Variants in NKX2-1 observed in about 807,000 individuals in gnomAD.
NKX2-1 encodes NK2 homeobox 1.
In NKX2-1, 9 loss-of-function variants were observed where a neutral mutation model predicts 35.1. The ratio of observed to expected loss-of-function variants is 0.26; its 90% confidence interval spans 0.15 to 0.45. The LOEUF is 0.45. NKX2-1 is among the 20% of genes least tolerant of loss of function. The probability of loss-of-function intolerance (pLI) is 1.00; values close to 1 mark genes in which losing one functional copy is unlikely to be tolerated. For synonymous variants in NKX2-1, 284 were observed against 269.9 expected (o/e 1.05, Z -0.51); for missense variants, 509 against 589.1 (o/e 0.86, Z 1.41).
intron 1 of NKX2-1, 78 bp from the exon 2 acceptor site, chr14:36,519,448 G>A (rs1410636012): frequency 6.3e-7 from 1 of 1,579,064 alleles, no homozygotes; most frequent in African/African-American, 1.3e-5. Flanking sequence ...TTCTCCCTTT[G>A]CCAAATATTC....
Position 36,519,933 on chromosome 14 carries a change from C to T in NKX2-1, c.77+120G>A. On this transcript the variant is annotated intron_variant, in intron 1 of 2. Coordinates refer to ENST00000354822, the MANE Select transcript of NKX2-1 (RefSeq NM_001079668.3). Reference sequence around the variant, plus strand: ...TGGTTGAGAGGAAGGAAGGTGAATGCTGCTTTGCAACCAACTTGCGGAGTT... The same window carrying T: ...TGGTTGAGAGGAAGGAAGGTGAATGTTGCTTTGCAACCAACTTGCGGAGTT... The T allele has an allele frequency of 2.7e-6, 4 of 1,465,122 alleles. No individual in the cohort carries two copies. The South Asian group carries it at 5.1e-5, about 19-fold the overall frequency. 90.8% of individuals were successfully genotyped at this position (1,465,122 alleles called of 1,614,324 possible).
Position 36,517,172 on chromosome 14 carries a change from T to C in NKX2-1, c.*106A>G. The C allele has an allele frequency of 1.3e-6, 2 of 1,514,084 alleles. No homozygotes were observed. The highest frequency in any genetic ancestry group is 1.8e-6 in the Non-Finnish European group (2 of 1,127,722). The allele number at this position is 1,514,084 out of a possible 1,614,324, so 93.8% of individuals were successfully genotyped here. ...CTTGGTCTAAACGCGGCCAGGTTGTTAAGAAAAGTCGAAGCGCGTGGAGCA... is the reference window on the plus strand; with the variant it reads ...CTTGGTCTAAACGCGGCCAGGTTGTCAAGAAAAGTCGAAGCGCGTGGAGCA... On this transcript the variant is annotated 3_prime_UTR_variant, in exon 3 of 3. Transcript: ENST00000354822.
Position 36,516,613 on chromosome 14 carries a change from G to A in NKX2-1, c.*665C>T, listed in dbSNP as rs1344842212. 1 of 231,566 alleles carries A rather than the reference G, an allele frequency of 4.3e-6. No homozygotes were observed. The highest frequency in any genetic ancestry group is 6.1e-5 in the East Asian group (1 of 16,312). 14.3% of individuals were successfully genotyped at this position (231,566 alleles called of 1,614,324 possible). ...TTTTCTTTTTACAACAAAATGTACAGATTACTAAAAACTAGGCATTTAGTC... is the reference window on the plus strand; with the variant it reads ...TTTTCTTTTTACAACAAAATGTACAAATTACTAAAAACTAGGCATTTAGTC... On this transcript the variant is annotated 3_prime_UTR_variant, in exon 3 of 3. Transcript: ENST00000354822.
In NKX2-1 at chr14:36,517,669, G is replaced by T. The variant is rs774427469; in HGVS notation, c.815C>A (p.Thr272Asn). 1.3e-6 allele frequency: 2 copies of T among 1,548,682 alleles called. No homozygotes were observed. The highest frequency in any genetic ancestry group is 1.7e-6 in the Non-Finnish European group (2 of 1,147,058). Residue 272 changes from threonine (T) to asparagine (N), a missense_variant, in exon 3 of 3, where the codon ACC (threonine) becomes AAC (asparagine). Thr to Asn is a moderately conservative substitution (Grantham distance 65, BLOSUM62 0). Around this residue, in one of 5 missense-constraint regions of NKX2-1, gnomAD observed 212 missense variants for 227.7 expected, o/e 0.93. Coordinates refer to ENST00000354822, the MANE Select transcript of NKX2-1 (RefSeq NM_001079668.3). Reference sequence around the variant, plus strand: ...AGCCTGTTGCTGCTGCGGGCACCCGGTGCCCCCGCCGCCCCCGCCGCCGCC... The same window carrying T: ...AGCCTGTTGCTGCTGCGGGCACCCGTTGCCCCCGCCGCCCCCGCCGCCGCC... ...DSGGGGGGGG[T>N]GCPQQQQAQQ...
chr14:36,517,968 G>A lies in NKX2-1; in HGVS notation c.516C>T (p.Gly172=), dbSNP rs2139408118. Residue 172 remains glycine, a synonymous_variant, in exon 3 of 3, where the codon GGC becomes GGT. Transcript: ENST00000354822. ...ASGMNMSGMG[G]LGSLGDVSKN... ...TGCTCACGTCCCCCAGCGAGCCCAG[G>A]CCGCCCATGCCGCTCATGTTCATGC... 6.3e-7 allele frequency: 1 copy of A among 1,599,902 alleles called. No homozygotes were observed. Among genetic ancestry groups the A allele is most frequent in the African/African-American group, 1.3e-5 (1 of 75,042 alleles).
Position 36,517,683 on chromosome 14 carries a change from C to G in NKX2-1, c.801G>C (p.Gly267=), listed in dbSNP as rs1566615270. ...QQLQQDSGGG[G]GGGGTGCPQQ... is the part of the protein sequence containing the mutation. ...GCGGGCACCCGGTGCCCCCGCCGCC[C>G]CCGCCGCCGCCGCTGTCCTGCTGCA... Residue 267 remains glycine (G), a synonymous_variant, in exon 3 of 3, where the codon GGG becomes GGC. Coordinates refer to ENST00000354822, the MANE Select transcript of NKX2-1 (RefSeq NM_001079668.3). 3.2e-6 allele frequency: 5 copies of G among 1,562,552 alleles called. No homozygotes were observed. In the East Asian group the frequency reaches 9.6e-5, roughly 30 times the overall value.
chr14:36,519,602 G>C, intron 1 of NKX2-1: 1 of 1,533,304 alleles, frequency 6.5e-7, no homozygotes, highest in Non-Finnish European at 8.7e-7. Flanking sequence ...ACCAGAGGCG[G>C]GGCGTAAGCG....
Position 36,519,978 on chromosome 14 carries a change from C to G in NKX2-1, c.77+75G>C, listed in dbSNP as rs193043968. Reference sequence around the variant, plus strand: ...GGAGTTACAAAGTGGAACCACTTTCCAATTCGGTCGGGGTTCCCCGGGCAC... The same window carrying G: ...GGAGTTACAAAGTGGAACCACTTTCGAATTCGGTCGGGGTTCCCCGGGCAC... On this transcript the variant is annotated intron_variant, in intron 1 of 2. Transcript: ENST00000354822. 3.1e-6 allele frequency: 5 copies of G among 1,599,438 alleles called. 1 individual carries two copies. The South Asian group carries it at 4.4e-5, about 14-fold the overall frequency.
Position 36,517,561 on chromosome 14 carries a change from C to T in NKX2-1, c.923G>A (p.Gly308Asp). ...CGCGTGGCCTTGTAGGCTGGCGGCG[C>T]CCGGCGCGGGGGCACCCGCCTGGCA... ...KPCQAGAPAPGAASLQGHAQQ... is the reference protein window; with the variant it reads ...KPCQAGAPAPDAASLQGHAQQ... The change falls in exon 3 of 3, where the codon GGC becomes GAC. Residue 308 changes from glycine (G) to aspartate (D), a missense_variant. Gly to Asp is a moderately conservative substitution (Grantham distance 94). Around this residue, in one of 5 missense-constraint regions of NKX2-1, gnomAD observed 212 missense variants for 227.7 expected, o/e 0.93. Coordinates refer to ENST00000354822, the MANE Select transcript of NKX2-1 (RefSeq NM_001079668.3). 6.8e-7 allele frequency: 1 copy of T among 1,468,514 alleles called. No homozygotes were observed. The highest frequency in any genetic ancestry group is 1.5e-5 in the African/African-American group (1 of 67,168). The allele number at this position is 1,468,514 out of a possible 1,614,324, so 91.0% of individuals were successfully genotyped here. A position where few individuals can be genotyped will look rare whatever the true frequency, so the allele number is the denominator to read the frequency against.
Position 36,519,251 on chromosome 14 carries a change from G to T in NKX2-1, c.197C>A (p.Ala66Asp). ...GCCCTGCCTGTACGCCGCCAGCGGAGCCCCGAGGCCGCCGCCCTCCATGCC... is the reference window on the plus strand; with the variant it reads ...GCCCTGCCTGTACGCCGCCAGCGGATCCCCGAGGCCGCCGCCCTCCATGCC... The part of the protein sequence containing the change: ...KVGMEGGGLG[A>D]PLAAYRQGQA... The change falls in exon 2 of 3, where the codon GCT (alanine) becomes GAT (aspartate). Residue 66 changes from alanine (A) to aspartate (D), a missense_variant. This residue lies in a region of NKX2-1 where 271 missense variants were observed against 284.1 expected (regional missense o/e 0.95). Transcript: ENST00000354822. 6.2e-7 allele frequency: 1 copy of T among 1,610,174 alleles called. No individual in the cohort carries two copies. Among genetic ancestry groups the T allele is most frequent in the Non-Finnish European group, 8.5e-7 (1 of 1,178,740 alleles).
In NKX2-1 at chr14:36,517,112, C is replaced by A; in HGVS notation, c.*166G>T. 4 of 1,101,350 alleles carry A rather than the reference C, an allele frequency of 3.6e-6. No homozygotes were observed. Among genetic ancestry groups the A allele is most frequent in the Non-Finnish European group, 3.6e-6 (3 of 827,274 alleles). The allele number at this position is 1,101,350 out of a possible 1,614,324, so 68.2% of individuals were successfully genotyped here. On this transcript the variant is annotated 3_prime_UTR_variant, in exon 3 of 3. Transcript: ENST00000354822. ...TTTTAGGGGGGGAAAAAAAGAAAGA[C>A]GTCCAGCAGTTTGGCCTTTGTGGTT...
At chr14:36,519,813 GA>G in intron 1 of NKX2-1, 1 of 1,397,862 alleles carries the variant, frequency 7.2e-7, no homozygotes, top group Non-Finnish European at 9.5e-7. Flanking sequence ...GGTACCAGCG[GA>G]GCGCGGGGAG....
In NKX2-1 at chr14:36,519,136, C is replaced by T; in HGVS notation, c.312G>A (p.Gly104=). ...CGGCGGAGTGCGAGAGCTGGGGCAC[C>T]CCCGCCGCCGTCATGTGGTAGGCGG... is the stretch of plus-strand genomic sequence containing the variant. ...VTAAYHMTAA[G]VPQLSHSAVG... The change falls in exon 2 of 3, where the codon GGG becomes GGA. Residue 104 remains glycine (G), a synonymous_variant. Coordinates refer to ENST00000354822, the MANE Select transcript of NKX2-1 (RefSeq NM_001079668.3). 6.2e-7 allele frequency: 1 copy of T among 1,606,866 alleles called. No individual in the cohort carries two copies. Among genetic ancestry groups the T allele is most frequent in the Non-Finnish European group, 8.5e-7 (1 of 1,178,742 alleles).
intron 2 of NKX2-1, 55 bp downstream of exon 2, chr14:36,518,907 GCGCCGCGCCTTCTGGACGGCTCT>G: frequency 7.2e-7 from 1 of 1,386,726 alleles, no homozygotes; most frequent in Non-Finnish European, 9.3e-7. Context: ...CAGCCTGCCG[GCGCCGCGCCTTCTGGACGGCTCT>G]CGCCGCACCT....
chr14:36,519,465 T>A, intron 1 of NKX2-1, 95 bp from the exon 2 acceptor site: 1 of 1,558,886 alleles, frequency 6.4e-7, no homozygotes, highest in Non-Finnish European at 8.7e-7. Flanking sequence ...ATTCTGGTGT[T>A]ACCTTAACGC....
chr14:36,519,539 G>T (rs887932180), intron 1 of NKX2-1, 169 bp from the exon 2 acceptor site: 1 of 1,534,912 alleles, frequency 6.5e-7, no homozygotes, highest in African/African-American at 1.4e-5. Flanking sequence ...TTGAGTGGAG[G>T]CTCGGGGGCT....
Position 36,517,564 on chromosome 14 carries a change from G to T in NKX2-1, c.920C>A (p.Pro307Gln). The T allele has an allele frequency of 6.8e-7, 1 of 1,469,642 alleles. No homozygotes were observed. The highest frequency in any genetic ancestry group is 8.9e-7 in the Non-Finnish European group (1 of 1,119,706). 91.0% of individuals were successfully genotyped at this position (1,469,642 alleles called of 1,614,324 possible). ...GTGGCCTTGTAGGCTGGCGGCGCCC[G>T]GCGCGGGGGCACCCGCCTGGCACGG... Reference protein sequence around the residue: ...GKPCQAGAPAPGAASLQGHAQ... With the variant: ...GKPCQAGAPAQGAASLQGHAQ... The change falls in exon 3 of 3, where the codon CCG (proline) becomes CAG (glutamine). Residue 307 changes from proline (P) to glutamine (Q), a missense_variant. Pro to Gln is a moderately conservative substitution (Grantham distance 76). Coordinates refer to ENST00000354822, the MANE Select transcript of NKX2-1 (RefSeq NM_001079668.3).
At position 36,518,950 on chromosome 14, in the gene NKX2-1, A is replaced by T. The variant is rs1014910772; in HGVS notation, c.463+35T>A. 3 of 1,518,246 alleles carry T rather than the reference A, an allele frequency of 2.0e-6. No individual in the cohort carries two copies. In the Admixed American group the frequency reaches 5.9e-5, roughly 30 times the overall value. 94.0% of individuals were successfully genotyped at this position (1,518,246 alleles called of 1,614,324 possible). Reference sequence around the variant, plus strand: ...GGCTCTCGCCGCACCTCCTGAGCTCAGCCCGCGGCCCCGCAGTGGGGCGGC... The same window carrying T: ...GGCTCTCGCCGCACCTCCTGAGCTCTGCCCGCGGCCCCGCAGTGGGGCGGC... On this transcript the variant is annotated intron_variant, in intron 2 of 2. Transcript: ENST00000354822.
At chr14:36,518,960 C>T (rs760242347) in intron 2 of NKX2-1, 25 bp downstream of exon 2, 5 of 1,544,564 alleles carry the variant, frequency 3.2e-6, no homozygotes, top group South Asian at 1.2e-5. Context: ...AGCCCGCGGC[C>T]CCGCAGTGGG....
Sources: allele counts gnomAD v4.1 joint callset, GRCh38; gene constraint gnomAD v4.1.1; regional missense constraint gnomAD v4.1.1; transcripts MANE v1.5; gene names NCBI Gene and HGNC (gene_info 2026-07-23, HGNC 2026-07-21).